RAPGEF4: variants seen among roughly 807,000 people sequenced by gnomAD.
RAPGEF4 encodes RAP guanine-nucleotide-exchange factor (GEF) 4.
Under a neutral mutation model 147.9 loss-of-function variants are expected in RAPGEF4, and 66 were observed. The ratio of observed to expected loss-of-function variants is 0.45; its 90% CI spans 0.37 to 0.55. RAPGEF4 has a LOEUF of 0.55. RAPGEF4 is among the 20% of genes least tolerant of loss of function. RAPGEF4 has a pLI of 0.00. For synonymous variants in RAPGEF4, 419 were observed against 442.7 expected, an observed-to-expected ratio of 0.95 and a Z score of 0.67; for missense variants, 1,071 against 1,257.3, an observed-to-expected ratio of 0.85 and a Z score of 2.24.
chr2:173,015,508 G>A (rs1695428320), intron 18 of RAPGEF4, among the ~76,000 whole-genome samples: 1 of 152,206 alleles, frequency 6.6e-6, no homozygotes, highest in African/African-American at 2.4e-5. Flanking sequence ...AGAGGTGCGA[G>A]GCAGTGAGGA....
intron 29 of RAPGEF4, among the ~76,000 whole-genome samples, chr2:173,047,118 C>A (rs900786195): frequency 6.6e-6 from 1 of 150,486 alleles, no homozygotes; most frequent in Non-Finnish European, 1.5e-5. Context: ...CACAGGACCC[C>A]CTTTAGAGCC....
chr2:172,847,099 G>A (rs1281740646), intron 4 of RAPGEF4, among the ~76,000 whole-genome samples: 1 of 152,108 alleles, frequency 6.6e-6, no homozygotes, highest in Non-Finnish European at 1.5e-5. Flanking sequence ...GGGGACATAC[G>A]GGCCTCTTCT....
At chr2:172,817,904 T>C (rs1191639183) in intron 4 of RAPGEF4, among the ~76,000 whole-genome samples, 1 of 115,108 alleles carries the variant, frequency 8.7e-6, no homozygotes, top group Non-Finnish European at 1.9e-5. Flanking sequence ...ATATCACAAT[T>C]ATATATATAT....
At chr2:172,827,854 A>G (rs936840517) in intron 4 of RAPGEF4, among the ~76,000 whole-genome samples, 2 of 152,186 alleles carry the variant, frequency 1.3e-5, no homozygotes, top group African/African-American at 4.8e-5. Context: ...CCCTCACTCC[A>G]GGTGCTCAGA....
At chr2:172,872,729 A>G (rs1422324360) in intron 4 of RAPGEF4, among the ~76,000 whole-genome samples, 1 of 151,802 alleles carries the variant, frequency 6.6e-6, no homozygotes, top group Non-Finnish European at 1.5e-5. Context: ...TTTCTCCTTG[A>G]TTGTAAGTTT....
chr2:172,912,846 A>G (rs138447745), intron 4 of RAPGEF4, among the ~76,000 whole-genome samples: 1 of 151,574 alleles, frequency 6.6e-6, no homozygotes, highest in Non-Finnish European at 1.5e-5. Context: ...CTGCAAAACA[A>G]GGGTGAGTGT....
At chr2:172,918,144 C>T (rs1394602805) in intron 5 of RAPGEF4, 1 of 574,500 alleles carries the variant, frequency 1.7e-6, no homozygotes, top group East Asian at 3.4e-5. Flanking sequence ...ATATCTTCAT[C>T]TTATAGTGAA....
intron 4 of RAPGEF4, chr2:172,821,815 G>T: frequency 7.5e-7 from 1 of 1,330,078 alleles, no homozygotes; most frequent in Non-Finnish European, 9.7e-7. Context: ...AGAACCATCA[G>T]CACCAGTTTC....
At chr2:173,013,485 G>A (rs141838264) in intron 17 of RAPGEF4, among the ~76,000 whole-genome samples, 1 of 152,310 alleles carries the variant, frequency 6.6e-6, no homozygotes, top group East Asian at 1.9e-4. Context: ...AAGTTATATT[G>A]TAAATAGTGA....
intron 4 of RAPGEF4, among the ~76,000 whole-genome samples, chr2:172,868,607 A>G (rs1029817311): frequency 6.6e-6 from 1 of 152,172 alleles, no homozygotes; most frequent in Non-Finnish European, 1.5e-5. Context: ...AATTCAAACA[A>G]TGGAAGCAGC....
chr2:172,888,093 T>TG (rs1164663442), intron 4 of RAPGEF4, among the ~76,000 whole-genome samples: 1 of 152,170 alleles, frequency 6.6e-6, no homozygotes, highest in Non-Finnish European at 1.5e-5. Flanking sequence ...TGGAACCAAG[T>TG]AGATGCTCAA....
intron 16 of RAPGEF4, among the ~76,000 whole-genome samples, chr2:172,999,182 A>G (rs921174958): frequency 6.6e-6 from 1 of 152,186 alleles, no homozygotes; most frequent in African/African-American, 2.4e-5. Context: ...TCCATTTTTG[A>G]TGGTAGAGAC....
chr2:172,971,932 TTTTG>T (rs1290069313), intron 10 of RAPGEF4, among the ~76,000 whole-genome samples: 2 of 152,214 alleles, frequency 1.3e-5, no homozygotes, highest in African/African-American at 4.8e-5. Context: ...GAAATGGTTT[TTTTG>T]TTTGTTTTCT....
intron 1 of RAPGEF4, among the ~76,000 whole-genome samples, chr2:172,746,921 T>A (rs1478268418): frequency 1.3e-5 from 2 of 152,160 alleles, no homozygotes; most frequent in Non-Finnish European, 2.9e-5. Context: ...CCAGAAATAT[T>A]ACTTATAAAT....
chr2:172,853,500 T>G (rs866779284), intron 4 of RAPGEF4, among the ~76,000 whole-genome samples: 20 of 151,994 alleles, frequency 1.3e-4, no homozygotes, highest in African/African-American at 4.3e-4. Context: ...TTGTTTATTT[T>G]TAATGTTTTT....
At chr2:173,023,746 C>G (rs1696346630) in intron 23 of RAPGEF4, among the ~76,000 whole-genome samples, 1 of 152,118 alleles carries the variant, frequency 6.6e-6, no homozygotes, top group African/African-American at 2.4e-5. Context: ...AAACTTGTCC[C>G]CCTTATGTAA....
chr2:173,019,358 A>G (rs569280835), intron 22 of RAPGEF4, among the ~76,000 whole-genome samples: 1 of 152,342 alleles, frequency 6.6e-6, no homozygotes, highest in South Asian at 2.1e-4. Flanking sequence ...CGTTCATCAC[A>G]TATTTACTGG....
chr2:172,894,243 G>A (rs1698235831), intron 4 of RAPGEF4: 1 of 152,238 alleles, frequency 6.6e-6, no homozygotes, highest in Non-Finnish European at 1.5e-5. Flanking sequence ...GAACCTTAGA[G>A]TCTAGTGGTT....
intron 5 of RAPGEF4, 26 bp from the exon 6 acceptor site, chr2:172,922,255 C>T: frequency 6.2e-7 from 1 of 1,604,692 alleles, no homozygotes; most frequent in South Asian, 1.1e-5. Context: ...TTCATGGCCT[C>T]TCTCTGTCTC....
Sources: gnomAD v4.1 joint callset for allele counts (sites outside exome capture counted in the v4.1 genomes callset) on GRCh38, gnomAD v4.1.1 for gene constraint, MANE v1.5 for transcripts, NCBI Gene and HGNC (gene_info 2026-07-23, HGNC 2026-07-21) for gene names.